PTPRN2: variants seen among roughly 807,000 people sequenced by gnomAD.
PTPRN2 encodes the protein protein tyrosine phosphatase receptor type N2.
Under a neutral mutation model 118.8 loss-of-function variants are expected in PTPRN2, and 74 were observed. The ratio of observed to expected loss-of-function variants is 0.62; its 90% CI spans 0.52 to 0.76. PTPRN2 has a LOEUF of 0.76. Among genes scored for constraint, PTPRN2 ranks in the 30% least tolerant of loss-of-function variants. The probability of loss-of-function intolerance (pLI) is 0.00; values close to 1 mark genes in which losing one functional copy is unlikely to be tolerated. For missense variants in PTPRN2, 1,481 were observed against 1,394.4 expected, an observed-to-expected ratio of 1.06 and a Z score of -0.99; for synonymous variants, 641 against 608.0, an observed-to-expected ratio of 1.05 and a Z score of -0.80.
chr7:158,501,142 A>G (rs1462672437), intron 1 of PTPRN2, among the ~76,000 whole-genome samples: 1 of 152,252 alleles, frequency 6.6e-6, no homozygotes, highest in Admixed American at 6.5e-5. Flanking sequence ...TTTTTTAACT[A>G]TGACATTTTC....
chr7:157,838,404 CATA>C, intron 12 of PTPRN2, among the ~76,000 whole-genome samples: 7 of 142,684 alleles, frequency 4.9e-5, no homozygotes, highest in Non-Finnish European at 1.1e-4. Context: ...CAGTTCCTCT[CATA>C]GTGGATGGCA....
intron 12 of PTPRN2, among the ~76,000 whole-genome samples, chr7:157,810,611 T>A (rs1585527710): frequency 1.5e-5 from 1 of 67,212 alleles, no homozygotes; most frequent in African/African-American, 6.5e-5. Flanking sequence ...GCGGGACTGC[T>A]GGGGGCTGGG....
rs1563437925 is a variant in PTPRN2 at position 158,563,224 on chromosome 7, CT to C, written c.112+24333del. Among the ~76,000 whole-genome samples, 1 of 152,190 alleles carries C rather than the reference CT, an allele frequency of 6.6e-6. No individual in the cohort carries two copies. The highest frequency in any genetic ancestry group is 1.5e-5 in the Non-Finnish European group (1 of 68,050). Reference sequence around the variant, plus strand: ...GGACCACAAGTTTGCAGCTCGAGACCTTGTCCAGGGTCCTAAAATGGCTTCT... The same window carrying C: ...GGACCACAAGTTTGCAGCTCGAGACCTGTCCAGGGTCCTAAAATGGCTTCT... On this transcript the variant is annotated intron_variant, in intron 1 of 22. Transcript: ENST00000389418. The surrounding 1 kb of genome is among the most constrained non-coding windows in gnomAD (Gnocchi z 5.1).
chr7:158,429,962 C>T (rs905845639), intron 2 of PTPRN2, among the ~76,000 whole-genome samples: 2 of 152,258 alleles, frequency 1.3e-5, no homozygotes, highest in South Asian at 4.1e-4. Flanking sequence ...GGCTGGAGTG[C>T]AATGGTACAA....
chr7:157,897,952 T>C (rs1332401634), intron 12 of PTPRN2, among the ~76,000 whole-genome samples: 3 of 152,272 alleles, frequency 2.0e-5, no homozygotes, highest in African/African-American at 7.2e-5. Context: ...CACACGCCAT[T>C]CCTCAGAGGA....
At chr7:158,070,914 A>T (rs1399757274) in intron 11 of PTPRN2, among the ~76,000 whole-genome samples, 1 of 38,836 alleles carries the variant, frequency 2.6e-5, no homozygotes, top group Non-Finnish European at 4.5e-5. Context: ...GGAGGTGCCC[A>T]TGGTGCTGGA....
chr7:158,354,080 T>A (rs978441162), intron 2 of PTPRN2, among the ~76,000 whole-genome samples: 1 of 152,344 alleles, frequency 6.6e-6, no homozygotes, highest in East Asian at 1.9e-4. Context: ...GACATCCCCT[T>A]TGGGACATCT....
chr7:158,052,092 G>A (rs1366418990), intron 11 of PTPRN2, among the ~76,000 whole-genome samples: 1 of 152,194 alleles, frequency 6.6e-6, no homozygotes, highest in African/African-American at 2.4e-5. Flanking sequence ...TTGCGCCTCT[G>A]ATCCAGAAAA....
In PTPRN2 at chr7:157,713,887, G is replaced by A. The variant is rs572486358; in HGVS notation, c.1789-30950C>T. Reference sequence around the variant, plus strand: ...AGCCCTCACATGGCACACACCTGCTGCTCTGCAGAGCACGCCTCGCTCCCC... The same window carrying A: ...AGCCCTCACATGGCACACACCTGCTACTCTGCAGAGCACGCCTCGCTCCCC... On this transcript the variant is annotated intron_variant, in intron 12 of 22. Transcript: ENST00000389418. Among the ~76,000 whole-genome samples the A allele has an allele frequency of 2.7e-3, 406 of 152,292 alleles. 2 individuals are homozygous for A. The highest frequency in any genetic ancestry group is 9.0e-3 in the African/African-American group (374 of 41,568).
At chr7:158,114,661 T>A (rs1162321226) in intron 9 of PTPRN2, among the ~76,000 whole-genome samples, 1 of 151,938 alleles carries the variant, frequency 6.6e-6, no homozygotes, top group Non-Finnish European at 1.5e-5. Context: ...AGAATATGCA[T>A]TAAAAAACCC....
chr7:158,539,721 G>A lies in PTPRN2; in HGVS notation c.112+47837C>T, dbSNP rs145838857. ...GTGAGCCTGGAGTTGGTGACGGCTG[G>A]GGACATACTGTGAGCCTGGAGCTGA... On this transcript the variant is annotated intron_variant, in intron 1 of 22. Transcript: ENST00000389418. 8.3e-4 allele frequency: 215 copies of A among 258,104 alleles called. 4 individuals are homozygous for A. The East Asian group carries it at 0.024, about 29-fold the overall frequency. The allele number at this position is 258,104 out of a possible 1,614,324, so 16.0% of individuals were successfully genotyped here.
intron 13 of PTPRN2, among the ~76,000 whole-genome samples, chr7:157,661,006 G>C (rs1243045435): frequency 6.6e-6 from 1 of 152,216 alleles, no homozygotes; most frequent in Non-Finnish European, 1.5e-5. Context: ...CACCCGCCTT[G>C]GCCTCGCAAA....
intron 11 of PTPRN2, among the ~76,000 whole-genome samples, chr7:158,020,038 T>G (rs2128875267): frequency 6.6e-6 from 1 of 152,298 alleles, no homozygotes. Context: ...GCCCTGAGGC[T>G]TCTGCACTGC....
chr7:157,942,257 G>A (rs1398691848), intron 11 of PTPRN2, among the ~76,000 whole-genome samples: 1 of 151,894 alleles, frequency 6.6e-6, no homozygotes, highest in Non-Finnish European at 1.5e-5. Context: ...CAGAGGAGGT[G>A]ATCTTGAGGC....
chr7:158,177,497 C>T (rs572025646), intron 5 of PTPRN2, among the ~76,000 whole-genome samples: 2 of 152,252 alleles, frequency 1.3e-5, no homozygotes, highest in Admixed American at 1.3e-4. Context: ...TGAACACGTC[C>T]GTCACCCTGA....
chr7:157,939,438 G>T (rs923252278), intron 11 of PTPRN2, among the ~76,000 whole-genome samples: 1 of 152,254 alleles, frequency 6.6e-6, no homozygotes, highest in African/African-American at 2.4e-5. Flanking sequence ...GGCTGCAGGA[G>T]AGGAGAGCTG....
chr7:158,459,890 G>C (rs1302379243), intron 2 of PTPRN2, among the ~76,000 whole-genome samples: 2 of 100,054 alleles, frequency 2.0e-5, no homozygotes, highest in African/African-American at 3.8e-5. Flanking sequence ...TGTGCCGAGA[G>C]CACAGGAGGG....
intron 2 of PTPRN2, among the ~76,000 whole-genome samples, chr7:158,485,285 C>T (rs1820926218): frequency 6.6e-6 from 1 of 152,088 alleles, no homozygotes; most frequent in African/African-American, 2.4e-5. Context: ...ATTTCCGCCC[C>T]TGGGCTCCAG....
intron 12 of PTPRN2, among the ~76,000 whole-genome samples, chr7:157,806,037 G>A (rs1344960403): frequency 6.6e-6 from 1 of 152,206 alleles, no homozygotes; most frequent in East Asian, 1.9e-4. Context: ...TTGTGAAGAG[G>A]TGTGGGAAGA....
Sources: gnomAD v4.1 joint callset for allele counts (sites outside exome capture counted in the v4.1 genomes callset) on GRCh38, gnomAD v4.1.1 for gene constraint, Gnocchi (gnomAD v3.1) non-coding constraint, MANE v1.5 for transcripts, NCBI Gene and HGNC (gene_info 2026-07-23, HGNC 2026-07-21) for gene names.